EFHD1: variants seen among roughly 807,000 people sequenced by gnomAD.
EFHD1 encodes the protein EF-hand domain family member D1.
In EFHD1, 10 loss-of-function variants were observed where a neutral mutation model predicts 17.2. The observed-to-expected ratio is 0.58, with a 90% confidence interval of 0.36 to 0.99. The LOEUF is 0.99. Among genes scored for constraint, EFHD1 ranks in the 50% least tolerant of loss-of-function variants. EFHD1 has a pLI of 0.01. For missense variants in EFHD1, 310 were observed against 327.5 expected, an observed-to-expected ratio of 0.95 and a Z score of 0.41; for synonymous variants, 153 against 142.0, an observed-to-expected ratio of 1.08 and a Z score of -0.55.
chr2:232,657,072 A>C (rs1470100494), intron 1 of EFHD1, among the ~76,000 whole-genome samples: 1 of 152,224 alleles, frequency 6.6e-6, no homozygotes, highest in African/African-American at 2.4e-5. Context: ...GCCTGACTGC[A>C]CCCAGCAAAA....
chr2:232,656,812 AG>A (rs1694770421), intron 1 of EFHD1, among the ~76,000 whole-genome samples: 1 of 152,154 alleles, frequency 6.6e-6, no homozygotes, highest in Admixed American at 6.6e-5. Flanking sequence ...TGTTTGAGAC[AG>A]GGTCGCATGC....
chr2:232,665,175 T>C (rs566563956), intron 2 of EFHD1, among the ~76,000 whole-genome samples: 1 of 152,246 alleles, frequency 6.6e-6, no homozygotes, highest in East Asian at 1.9e-4. Context: ...ACCTCTGAAA[T>C]TGCAGGCAAA....
intron 1 of EFHD1, among the ~76,000 whole-genome samples, chr2:232,640,781 A>T (rs969684115): frequency 6.6e-6 from 1 of 152,154 alleles, no homozygotes; most frequent in African/African-American, 2.4e-5. Context: ...AGGCTGCTGC[A>T]TTCAAAGCAG....
At chr2:232,651,215 C>G (rs1042294026) in intron 1 of EFHD1, among the ~76,000 whole-genome samples, 1 of 152,174 alleles carries the variant, frequency 6.6e-6, no homozygotes, top group African/African-American at 2.4e-5. Context: ...TTCAGGAGCT[C>G]TGGGGCTGGG....
chr2:232,637,166 C>T (rs954239180), intron 1 of EFHD1, among the ~76,000 whole-genome samples: 5 of 152,226 alleles, frequency 3.3e-5, no homozygotes, highest in South Asian at 4.1e-4. Context: ...ACGTGTCAGC[C>T]GGGCTGTGCT....
Position 232,653,289 on chromosome 2 carries a change from A to C in EFHD1, c.303-9513A>C, listed in dbSNP as rs554998150. Among the ~76,000 whole-genome samples, 11 of 150,866 alleles carry C rather than the reference A, an allele frequency of 7.3e-5. No individual in the cohort carries two copies. In the East Asian group the frequency reaches 1.8e-3, roughly 25 times the overall value. On this transcript the variant is annotated intron_variant, in intron 1 of 3. Coordinates refer to ENST00000264059, the MANE Select transcript of EFHD1 (RefSeq NM_025202.4). ...ATTACAGGCATGAGCCACTGTGCCC[A>C]GCTGGTTTTTTCTTTTTTCAAGATG...
chr2:232,659,672 G>A (rs1454524226), intron 1 of EFHD1, among the ~76,000 whole-genome samples: 1 of 152,170 alleles, frequency 6.6e-6, no homozygotes. Flanking sequence ...AGGCTGTGTT[G>A]GGGAGAATGC....
chr2:232,618,089 G>A (rs984959515), intron 1 of EFHD1, among the ~76,000 whole-genome samples: 2 of 151,422 alleles, frequency 1.3e-5, no homozygotes, highest in Admixed American at 6.6e-5. Context: ...GCTTGATCTC[G>A]GCTCACTGCA....
intron 1 of EFHD1, chr2:232,610,963 G>A (rs932479482): frequency 6.6e-6 from 1 of 152,380 alleles, no homozygotes. Flanking sequence ...GATCGCTTGA[G>A]GCCATGAGTT....
chr2:232,672,873 C>G (rs73107661), intron 3 of EFHD1, among the ~76,000 whole-genome samples: 2 of 152,132 alleles, frequency 1.3e-5, no homozygotes, highest in Non-Finnish European at 2.9e-5. Flanking sequence ...CCTGCCCAGT[C>G]CCCTAAGCAG....
intron 1 of EFHD1, among the ~76,000 whole-genome samples, chr2:232,627,062 ATAT>A (rs1331814475): frequency 0.013 from 1,458 of 109,394 alleles, 16 homozygotes; most frequent in East Asian, 0.016. Context: ...ATATATATAT[ATAT>A]TTTTTTTTTT....
chr2:232,681,976 A>G lies in EFHD1; in HGVS notation c.*257A>G, dbSNP rs1413177714. The G allele has an allele frequency of 4.5e-6, 2 of 440,304 alleles. No individual in the cohort carries two copies. The highest frequency in any genetic ancestry group is 3.8e-5 in the South Asian group (1 of 26,150). 27.3% of individuals were successfully genotyped at this position (440,304 alleles called of 1,614,324 possible). Reference sequence around the variant, plus strand: ...TGCCCTTCTTATAGCCAGAACTTGTATCTTCTCAGCAACCTTCACTTTGTC... The same window carrying G: ...TGCCCTTCTTATAGCCAGAACTTGTGTCTTCTCAGCAACCTTCACTTTGTC... On this transcript the variant is annotated 3_prime_UTR_variant, in exon 4 of 4. Coordinates refer to ENST00000264059, the MANE Select transcript of EFHD1 (RefSeq NM_025202.4).
At chr2:232,657,754 G>A (rs1266527319) in intron 1 of EFHD1, among the ~76,000 whole-genome samples, 6 of 150,198 alleles carry the variant, frequency 4.0e-5, no homozygotes, top group South Asian at 2.1e-4. Context: ...GGAGGTTGCA[G>A]TGAGCTGAGA....
rs1219482350 is a variant in EFHD1 at position 232,662,954 on chromosome 2, C to A, written c.450+5C>A. The stretch of plus-strand genomic sequence containing the variant: ...GGCAAGCTCAGCTTCCGGGAGGTAC[C>A]TGCCTGCTGTGGCCCTGAGCCCCTG... On this transcript the variant is annotated splice_donor_5th_base_variant and intron_variant, in intron 2 of 3. Coordinates refer to ENST00000264059, the MANE Select transcript of EFHD1 (RefSeq NM_025202.4). The A allele has an allele frequency of 1.8e-5, 28 of 1,574,508 alleles. No individual in the cohort carries two copies. Among genetic ancestry groups the A allele is most frequent in the African/African-American group, 2.8e-5 (2 of 72,418 alleles).
chr2:232,638,058 A>G (rs761808005), intron 1 of EFHD1: 1 of 211,568 alleles, frequency 4.7e-6, no homozygotes, highest in South Asian at 8.1e-5. Flanking sequence ...TTCCCTCTCC[A>G]TTTCCAAGCC....
intron 3 of EFHD1, among the ~76,000 whole-genome samples, chr2:232,673,911 T>TA (rs1355878145): frequency 6.8e-6 from 1 of 148,082 alleles, no homozygotes; most frequent in Non-Finnish European, 1.5e-5. Flanking sequence ...CTTCTTCTTT[T>TA]TTTTTTTTTT....
intron 1 of EFHD1, among the ~76,000 whole-genome samples, chr2:232,639,483 G>C (rs894036899): frequency 4.6e-5 from 7 of 151,968 alleles, no homozygotes; most frequent in Admixed American, 1.3e-4. Context: ...TACTTCGCCT[G>C]GCCAGACTCT....
chr2:232,646,436 C>CCT (rs1694529429), intron 1 of EFHD1, among the ~76,000 whole-genome samples: 2 of 67,138 alleles, frequency 3.0e-5, no homozygotes, highest in Non-Finnish European at 5.5e-5. Context: ...CTCTTCTCTT[C>CCT]TTTTTTTTTT....
chr2:232,672,120 T>C (rs1378684847), intron 2 of EFHD1, among the ~76,000 whole-genome samples, 189 bp from the exon 3 acceptor site: 1 of 152,154 alleles, frequency 6.6e-6, no homozygotes, highest in Non-Finnish European at 1.5e-5. Flanking sequence ...CCCATTTCCC[T>C]ATAGCCTTGG....
Sources: gnomAD v4.1 joint callset for allele counts (sites outside exome capture counted in the v4.1 genomes callset) on GRCh38, gnomAD v4.1.1 for gene constraint, MANE v1.5 for transcripts, NCBI Gene and HGNC (gene_info 2026-07-23, HGNC 2026-07-21) for gene names.